ADGRL3: variants seen among roughly 807,000 people sequenced by gnomAD.
ADGRL3 encodes the protein adhesion G protein-coupled receptor L3, also known as calcium-independent alpha-latrotoxin receptor 3.
Under a neutral mutation model 153.5 loss-of-function variants are expected in ADGRL3, and 62 were observed. The ratio of observed to expected loss-of-function variants is 0.40; its 90% confidence interval spans 0.33 to 0.50. The LOEUF (loss-of-function observed/expected upper bound fraction) is 0.50. Among genes scored for constraint, ADGRL3 ranks in the 20% least tolerant of loss-of-function variants. The probability of loss-of-function intolerance (pLI) is 0.47; values close to 1 mark genes in which losing one functional copy is unlikely to be tolerated. For missense variants in ADGRL3, 1,641 were observed against 1,859.4 expected (o/e 0.88, Z 2.16); for synonymous variants, 710 against 672.5 (o/e 1.06, Z -0.86).
intron 6 of ADGRL3, among the ~76,000 whole-genome samples, chr4:61,726,687 T>C (rs1279464102): frequency 6.6e-6 from 1 of 152,188 alleles, no homozygotes; most frequent in Non-Finnish European, 1.5e-5. Context: ...TGTATTTTAA[T>C]AGTCTAAACC....
intron 19 of ADGRL3, among the ~76,000 whole-genome samples, chr4:61,993,164 TTGTGTGTGTGTG>T (rs3065140): frequency 5.4e-4 from 75 of 138,504 alleles, no homozygotes; most frequent in African/African-American, 2.0e-3. Context: ...TGGGCTGCAG[TTGTGTGTGTGTG>T]TGTGTGTGTG....
intron 9 of ADGRL3, among the ~76,000 whole-genome samples, chr4:61,831,376 A>C (rs1012621029): frequency 6.7e-6 from 1 of 149,996 alleles, no homozygotes; most frequent in South Asian, 2.1e-4. Context: ...CAGCTAAAAA[A>C]CGTCATGAAG....
intron 5 of ADGRL3, among the ~76,000 whole-genome samples, chr4:61,597,546 T>G (rs1014415957): frequency 6.6e-6 from 1 of 152,090 alleles, no homozygotes; most frequent in Admixed American, 6.5e-5. Flanking sequence ...ATATGAAATA[T>G]TTATGACAGT....
At chr4:61,418,688 T>C (rs919006221) in intron 2 of ADGRL3, among the ~76,000 whole-genome samples, 1 of 150,854 alleles carries the variant, frequency 6.6e-6, no homozygotes, top group African/African-American at 2.5e-5. Flanking sequence ...TAATTCTCAG[T>C]AGGGCCAAAT....
intron 1 of ADGRL3, among the ~76,000 whole-genome samples, chr4:61,215,973 A>T (rs181955431): frequency 2.0e-5 from 3 of 152,150 alleles, no homozygotes; most frequent in African/African-American, 7.2e-5. Flanking sequence ...ATCTGTAAGT[A>T]GAAGATAGGA....
Position 61,895,780 on chromosome 4 carries a change from A to G in ADGRL3, c.1833A>G (p.Gln611=). 2.5e-6 allele frequency: 4 copies of G among 1,602,216 alleles called. No homozygotes were observed. The highest frequency in any genetic ancestry group is 2.2e-5 in the South Asian group (2 of 89,016). ...CLAPDGIWDP[Q]GPDLSNCSSP... is the part of the protein sequence containing the mutation. ...CTCCTGATGGAATTTGGGATCCCCAAGGTCCAGATCTCAGCAACTGTTCTT... is the reference window on the plus strand; with the variant it reads ...CTCCTGATGGAATTTGGGATCCCCAGGGTCCAGATCTCAGCAACTGTTCTT... The change falls in exon 11 of 27, where the codon CAA becomes CAG. Residue 611 remains glutamine (Q), a synonymous_variant. Coordinates refer to ENST00000683033, the MANE Select transcript of ADGRL3 (RefSeq NM_001387552.1).
At chr4:61,309,136 A>G (rs2150488610) in intron 1 of ADGRL3, among the ~76,000 whole-genome samples, 1 of 152,330 alleles carries the variant, frequency 6.6e-6, no homozygotes, top group East Asian at 1.9e-4. Context: ...TTTCGACTTA[A>G]TTTTCTAGAG....
At chr4:61,277,590 A>G (rs1197528690) in intron 1 of ADGRL3, among the ~76,000 whole-genome samples, 2 of 152,142 alleles carry the variant, frequency 1.3e-5, no homozygotes, top group African/African-American at 2.4e-5. Flanking sequence ...TCACAGGGAT[A>G]TAGTGGGAAA....
intron 1 of ADGRL3, among the ~76,000 whole-genome samples, chr4:61,357,061 A>G (rs1359773248): frequency 6.6e-6 from 1 of 152,036 alleles, no homozygotes; most frequent in Non-Finnish European, 1.5e-5. Context: ...CATTAATTTT[A>G]AATTCTGCCC....
chr4:61,758,017 T>G (rs2096859238), intron 8 of ADGRL3, among the ~76,000 whole-genome samples: 1 of 152,234 alleles, frequency 6.6e-6, no homozygotes, highest in Admixed American at 6.5e-5. Context: ...CTTTTACATT[T>G]GCTGAGGAGT....
At chr4:61,330,655 G>C (rs546866871) in intron 1 of ADGRL3, among the ~76,000 whole-genome samples, 1 of 152,120 alleles carries the variant, frequency 6.6e-6, no homozygotes, top group Non-Finnish European at 1.5e-5. Context: ...CTTAAAGTTG[G>C]CACGGACCCA....
Position 61,759,058 on chromosome 4 carries a change from C to T in ADGRL3, c.1399+25504C>T, listed in dbSNP as rs927791796. Among the ~76,000 whole-genome samples, 18 of 152,168 alleles carry T rather than the reference C, an allele frequency of 1.2e-4. 1 individual carries two copies. Among genetic ancestry groups the T allele is most frequent in the African/African-American group, 4.3e-4 (18 of 41,430 alleles). On this transcript the variant is annotated intron_variant, in intron 8 of 26. Transcript: ENST00000683033. Reference sequence around the variant, plus strand: ...TTCTGCCGAGAGATCAGCTGTTAGTCTGATGGGCTTCCCTTTGTGGGTAAC... The same window carrying T: ...TTCTGCCGAGAGATCAGCTGTTAGTTTGATGGGCTTCCCTTTGTGGGTAAC...
At chr4:61,666,879 T>C (rs766587134) in intron 5 of ADGRL3, among the ~76,000 whole-genome samples, 2 of 152,184 alleles carry the variant, frequency 1.3e-5, no homozygotes, top group Non-Finnish European at 2.9e-5. Flanking sequence ...ATAGATGTCA[T>C]TCCAGTTATT....
chr4:61,815,683 T>A lies in ADGRL3; in HGVS notation c.1480+1794T>A, dbSNP rs756380472. 6.4e-4 allele frequency among the ~76,000 whole-genome samples: 98 copies of A among 152,220 alleles called. 1 individual carries two copies. Among genetic ancestry groups the A allele is most frequent in the Non-Finnish European group, 1.2e-3 (85 of 68,040 alleles). On this transcript the variant is annotated intron_variant, in intron 9 of 26. Coordinates refer to ENST00000683033, the MANE Select transcript of ADGRL3 (RefSeq NM_001387552.1). ...TTAATCATCAGTGCAACTGCATTAG[T>A]ATTAAGAGGTGGACATTTAGGAGAT...
intron 5 of ADGRL3, among the ~76,000 whole-genome samples, chr4:61,652,758 T>A (rs899285741): frequency 2.0e-5 from 3 of 152,164 alleles, no homozygotes; most frequent in Non-Finnish European, 4.4e-5. Context: ...AACCACTTTT[T>A]CCCCCTGTAA....
At chr4:61,225,327 A>G (rs1023391424) in intron 1 of ADGRL3, among the ~76,000 whole-genome samples, 7 of 152,168 alleles carry the variant, frequency 4.6e-5, no homozygotes, top group African/African-American at 1.7e-4. Flanking sequence ...TCTTCCTTGA[A>G]TTGATGGCCC....
chr4:61,637,732 G>A (rs1451021916), intron 5 of ADGRL3, among the ~76,000 whole-genome samples: 2 of 152,152 alleles, frequency 1.3e-5, no homozygotes, highest in Non-Finnish European at 2.9e-5. Context: ...CTGCACTCCA[G>A]CCTGGGTGAC....
chr4:61,303,134 T>G (rs2094638580), intron 1 of ADGRL3, among the ~76,000 whole-genome samples: 1 of 152,186 alleles, frequency 6.6e-6, no homozygotes, highest in Non-Finnish European at 1.5e-5. Context: ...TTGATAGAAT[T>G]AACACACCAA....
At chr4:61,332,884 T>G (rs144223635) in intron 1 of ADGRL3, among the ~76,000 whole-genome samples, 19 of 152,294 alleles carry the variant, frequency 1.2e-4, no homozygotes, top group African/African-American at 2.6e-4. Flanking sequence ...CTCTGACGAT[T>G]GGGTTGCTGG....
Sources: allele counts gnomAD v4.1 joint callset (sites outside exome capture counted in the v4.1 genomes callset), GRCh38; gene constraint gnomAD v4.1.1; transcripts MANE v1.5; gene names NCBI Gene and HGNC (gene_info 2026-07-23, HGNC 2026-07-21).